Variants in RAB30 observed in about 807,000 individuals in gnomAD.
RAB30 encodes the protein ras-related protein Rab-30.
A neutral mutation model predicts 25.1 loss-of-function variants in RAB30; 9 were observed. The observed-to-expected ratio is 0.36, with a 90% confidence interval of 0.22 to 0.63. RAB30 has a LOEUF of 0.63. Ranked by LOEUF, RAB30 falls within the 20% of genes least tolerant of loss-of-function variation. The probability of loss-of-function intolerance (pLI) is 0.69; values close to 1 mark genes in which losing one functional copy is unlikely to be tolerated. For synonymous variants in RAB30, 77 were observed against 86.4 expected (o/e 0.89, Z 0.60); for missense variants, 140 against 243.5 (o/e 0.58, Z 2.83).
At chr11:82,989,637 G>T (rs979890811) in intron 3 of RAB30, among the ~76,000 whole-genome samples, 3 of 152,222 alleles carry the variant, frequency 2.0e-5, no homozygotes, top group Non-Finnish European at 4.4e-5. Context: ...TTTAGGAACT[G>T]TTCAGTATTA....
rs1856619819 is a variant in RAB30 at position 82,980,542 on chromosome 11, A to G, written c.*1623T>C. ...CACCATCTACAGCAACAGTGGAATT[A>G]CACATCATATCCTTATTCCATTACT... On this transcript the variant is annotated 3_prime_UTR_variant, in exon 5 of 5. Coordinates refer to ENST00000527633, the MANE Select transcript of RAB30 (RefSeq NM_001286060.2). 6.6e-6 allele frequency: 1 copy of G among 152,252 alleles called. No homozygotes were observed. The highest frequency in any genetic ancestry group is 2.4e-5 in the African/African-American group (1 of 41,458). 9.4% of individuals were successfully genotyped at this position (152,252 alleles called of 1,614,324 possible).
At chr11:83,040,200 C>T (rs1373738069) in intron 1 of RAB30, among the ~76,000 whole-genome samples, 1 of 152,126 alleles carries the variant, frequency 6.6e-6, no homozygotes, top group Non-Finnish European at 1.5e-5. Context: ...TGCTCTAAGA[C>T]AGAAATGAAA....
intron 1 of RAB30, among the ~76,000 whole-genome samples, chr11:83,068,945 C>T (rs1419602702): frequency 6.6e-6 from 1 of 152,152 alleles, no homozygotes; most frequent in Non-Finnish European, 1.5e-5. Flanking sequence ...ATATAAGCTC[C>T]ATGAAGTCAG....
rs528311223 is a variant in RAB30, at chr11:83,028,361, T to A, written c.-8-31037A>T. 2.0e-5 allele frequency among the ~76,000 whole-genome samples: 3 copies of A among 151,698 alleles called. No homozygotes were observed. In the South Asian group the frequency reaches 6.3e-4, roughly 32 times the overall value. ...TTCTAAAGGTCCAGTACAGGAGGGGTCCTATATCCAAATAAGAGAAATTCC... is the reference window on the plus strand; with the variant it reads ...TTCTAAAGGTCCAGTACAGGAGGGGACCTATATCCAAATAAGAGAAATTCC... On this transcript the variant is annotated intron_variant, in intron 1 of 4. Transcript: ENST00000527633.
intron 2 of RAB30, among the ~76,000 whole-genome samples, chr11:82,994,937 T>G (rs1439579462): frequency 6.6e-6 from 1 of 152,238 alleles, no homozygotes; most frequent in Admixed American, 6.5e-5. Context: ...TTGAGGCTGA[T>G]GTAAGCCATT....
At position 83,018,173 on chromosome 11, in the gene RAB30, C is replaced by T. The variant is rs182985902; in HGVS notation, c.-8-20849G>A. ...AATTAGCTGGGCATGGTGGCATGCG[C>T]CTGTAGTCCCAGCTACTCGGGAGGC... On this transcript the variant is annotated intron_variant, in intron 1 of 4. Coordinates refer to ENST00000527633, the MANE Select transcript of RAB30 (RefSeq NM_001286060.2). Among the ~76,000 whole-genome samples, 918 of 152,146 alleles carry T rather than the reference C, an allele frequency of 6.0e-3. 6 individuals are homozygous for T. Among genetic ancestry groups the T allele is most frequent in the Admixed American group, 8.4e-3 (129 of 15,296 alleles).
At chr11:83,047,059 T>G (rs1322690805) in intron 1 of RAB30, among the ~76,000 whole-genome samples, 1 of 152,176 alleles carries the variant, frequency 6.6e-6, no homozygotes, top group Non-Finnish European at 1.5e-5. Context: ...CAACAGGAAC[T>G]CAACTACAAT....
chr11:83,056,479 T>G (rs115560363), intron 1 of RAB30, among the ~76,000 whole-genome samples: 1,532 of 152,314 alleles, frequency 0.01, 17 homozygotes, highest in Middle Eastern at 0.044. Context: ...ATAATGCTGC[T>G]AGGTGAACGC....
chr11:83,010,177 G>A (rs567816817), intron 1 of RAB30, among the ~76,000 whole-genome samples: 3 of 152,318 alleles, frequency 2.0e-5, no homozygotes, highest in Admixed American at 6.5e-5. Flanking sequence ...TGGACTGGGC[G>A]TGGTGGCTTG....
intron 1 of RAB30, among the ~76,000 whole-genome samples, chr11:83,016,582 CTTAAAAAG>C (rs1857443572): frequency 1.3e-5 from 2 of 152,226 alleles, no homozygotes; most frequent in East Asian, 3.9e-4. Flanking sequence ...AAGACTTAAT[CTTAAAAAG>C]TTAAAAATGT....
At position 82,980,246 on chromosome 11, in the gene RAB30, T is replaced by C. The variant is rs1161508854; in HGVS notation, c.*1919A>G. Reference sequence around the variant, plus strand: ...ATTTTGGTTTTTATTAAAATGACTTTTCTTTCCTGCAGAGACAGATTCTAA... The same window carrying C: ...ATTTTGGTTTTTATTAAAATGACTTCTCTTTCCTGCAGAGACAGATTCTAA... On this transcript the variant is annotated 3_prime_UTR_variant, in exon 5 of 5. Coordinates refer to ENST00000527633, the MANE Select transcript of RAB30 (RefSeq NM_001286060.2). 3 of 152,210 alleles carry C rather than the reference T, an allele frequency of 2.0e-5. No homozygotes were observed. The highest frequency in any genetic ancestry group is 4.4e-5 in the Non-Finnish European group (3 of 68,044). The allele number at this position is 152,210 out of a possible 1,614,324, so 9.4% of individuals were successfully genotyped here. A position where few individuals can be genotyped will look rare whatever the true frequency, so the allele number is the denominator to read the frequency against.
intron 1 of RAB30, among the ~76,000 whole-genome samples, chr11:83,038,203 C>G (rs1858028826): frequency 6.6e-6 from 1 of 152,148 alleles, no homozygotes; most frequent in Non-Finnish European, 1.5e-5. Flanking sequence ...TGGAGTTTCT[C>G]CAACAGGGCA....
chr11:83,039,645 C>G (rs1337295101), intron 1 of RAB30, among the ~76,000 whole-genome samples: 1 of 152,126 alleles, frequency 6.6e-6, no homozygotes, highest in Non-Finnish European at 1.5e-5. Context: ...CGCCACTGTA[C>G]TCCAGCCTGG....
rs915660007 is a variant in RAB30 at position 82,982,105 on chromosome 11, C to A, written c.*60G>T. The A allele has an allele frequency of 6.2e-7, 1 of 1,603,638 alleles. No individual in the cohort carries two copies. The highest frequency in any genetic ancestry group is 8.5e-7 in the Non-Finnish European group (1 of 1,173,058). On this transcript the variant is annotated 3_prime_UTR_variant, in exon 5 of 5. Transcript: ENST00000527633. ...AGCCACAGTCATCGCCAGATCTCCC[C>A]AGCATCTCATGGCCCATCAGGGCAG...
intron 1 of RAB30, among the ~76,000 whole-genome samples, chr11:83,017,407 T>C (rs1857462352): frequency 6.6e-6 from 1 of 152,178 alleles, no homozygotes; most frequent in Non-Finnish European, 1.5e-5. Flanking sequence ...TAAATAGTTT[T>C]TGGGGAACAG....
In RAB30 at chr11:82,982,370, C is replaced by A. The variant is rs886599600; in HGVS notation, c.407G>T (p.Arg136Leu). 6.2e-7 allele frequency: 1 copy of A among 1,614,038 alleles called. No homozygotes were observed. The highest frequency in any genetic ancestry group is 1.7e-5 in the Admixed American group (1 of 60,034). Residue 136 changes from arginine to leucine, a missense_variant, in exon 5 of 5, where the codon CGA (arginine) becomes CTA (leucine). By Grantham distance (102) the Arg-to-Leu change is moderately radical. Coordinates refer to ENST00000527633, the MANE Select transcript of RAB30 (RefSeq NM_001286060.2). ...LAERREVSQQ[R>L]AEEFSEAQDM... ...CTGAGCTTCTGAGAATTCTTCAGCT[C>A]GCTGCTGGGAAACCTCTCTCCTTTC...
intron 1 of RAB30, among the ~76,000 whole-genome samples, chr11:83,017,607 C>A (rs1857466875): frequency 6.6e-6 from 1 of 152,134 alleles, no homozygotes; most frequent in Non-Finnish European, 1.5e-5. Flanking sequence ...TTAGCTCCCA[C>A]TTACAAGTGA....
At chr11:83,008,462 G>C (rs1187145098) in intron 1 of RAB30, among the ~76,000 whole-genome samples, 2 of 152,196 alleles carry the variant, frequency 1.3e-5, no homozygotes. Context: ...ATGACTACTT[G>C]TCTAGAGCTT....
At chr11:82,982,951 A>G (rs1856669805) in intron 4 of RAB30, among the ~76,000 whole-genome samples, 1 of 152,228 alleles carries the variant, frequency 6.6e-6, no homozygotes, top group Admixed American at 6.5e-5. Context: ...CACTGACTGA[A>G]TAAAGTATGG....
Sources: allele counts gnomAD v4.1 joint callset (sites outside exome capture counted in the v4.1 genomes callset), GRCh38; gene constraint gnomAD v4.1.1; transcripts MANE v1.5; gene names NCBI Gene and HGNC (gene_info 2026-07-23, HGNC 2026-07-21).